Variants in RNF43 observed in about 807,000 individuals in gnomAD.
The protein encoded by RNF43 is E3 ubiquitin-protein ligase RNF43.
RNF43 carries 37 observed loss-of-function variants against 78.4 expected under a neutral mutation model. That is an observed-to-expected ratio of 0.47 (90% CI 0.36 to 0.62). The LOEUF (loss-of-function observed/expected upper bound fraction) is 0.62, where lower values mean the gene tolerates loss of function less well. Among genes scored for constraint, RNF43 ranks in the 20% least tolerant of loss-of-function variants. The pLI is 0.00. For synonymous variants in RNF43, 347 were observed against 395.0 expected, an observed-to-expected ratio of 0.88 and a Z score of 1.44; for missense variants, 774 against 1,007.9, an observed-to-expected ratio of 0.77 and a Z score of 3.14.
chr17:58,382,718 C>T lies in RNF43; in HGVS notation c.253-11685G>A, dbSNP rs538125129. ...CCTTCTGCCCCAAAGGAACGAGTCC[C>T]GGTCTCAGGAGAGTAACACCTGCCT... is the stretch of plus-strand genomic sequence containing the variant. On this transcript the variant is annotated intron_variant, in intron 2 of 9. Transcript: ENST00000407977. Among the ~76,000 whole-genome samples the T allele has an allele frequency of 1.2e-4, 19 of 152,328 alleles. No homozygotes were observed. In the South Asian group the frequency reaches 3.5e-3, roughly 28 times the overall value.
At chr17:58,383,769 C>A (rs1322957908) in intron 2 of RNF43, among the ~76,000 whole-genome samples, 2 of 152,188 alleles carry the variant, frequency 1.3e-5, no homozygotes, top group African/African-American at 4.8e-5. Flanking sequence ...AGGCATGTGC[C>A]ACCATGCCTG....
intron 2 of RNF43, among the ~76,000 whole-genome samples, chr17:58,388,973 T>G (rs1973491069): frequency 6.6e-6 from 1 of 152,198 alleles, no homozygotes; most frequent in African/African-American, 2.4e-5. Flanking sequence ...TTACAAAGGC[T>G]ACTGCATGCC....
intron 2 of RNF43, among the ~76,000 whole-genome samples, chr17:58,390,248 T>G (rs749826730): frequency 2.0e-5 from 3 of 152,148 alleles, no homozygotes; most frequent in Non-Finnish European, 4.4e-5. Context: ...ACAGAAGGCA[T>G]GAGATCAGAG....
Position 58,360,262 on chromosome 17 carries a change from A to C in RNF43, c.850-11T>G. ...AATGACCCGTAGCTCCTGGAGAAAAAGAGGGGGTCCAAACCAAAGGCTTCT... is the reference window on the plus strand; with the variant it reads ...AATGACCCGTAGCTCCTGGAGAAAACGAGGGGGTCCAAACCAAAGGCTTCT... On this transcript the variant is annotated splice_polypyrimidine_tract_variant and intron_variant, in intron 7 of 9. Transcript: ENST00000407977. The surrounding 1 kb of genome is among the most constrained non-coding windows in gnomAD (Gnocchi z 4.3). The C allele has an allele frequency of 6.2e-7, 1 of 1,608,088 alleles. No individual in the cohort carries two copies. Among genetic ancestry groups the C allele is most frequent in the Non-Finnish European group, 8.5e-7 (1 of 1,174,494 alleles).
intron 2 of RNF43, among the ~76,000 whole-genome samples, chr17:58,410,429 A>G (rs1388947428): frequency 6.6e-6 from 1 of 152,224 alleles, no homozygotes; most frequent in Non-Finnish European, 1.5e-5. Context: ...TCCTGACTAC[A>G]TTCCAAAGTC....
intron 2 of RNF43, among the ~76,000 whole-genome samples, chr17:58,408,661 G>T (rs760403647): frequency 2.6e-5 from 4 of 152,138 alleles, no homozygotes; most frequent in Admixed American, 2.0e-4. Flanking sequence ...TGGTAAGTCA[G>T]AAGAGTAAAG....
chr17:58,373,735 A>G (rs1973148108), intron 2 of RNF43, among the ~76,000 whole-genome samples: 4 of 152,298 alleles, frequency 2.6e-5, no homozygotes, highest in South Asian at 2.1e-4. Context: ...TAGTCACCCC[A>G]TTGTACTATC....
Position 58,415,492 on chromosome 17 carries a change from C to G in RNF43, c.86G>C (p.Gly29Ala), listed in dbSNP as rs756880429. 17 of 1,613,420 alleles carry G rather than the reference C, an allele frequency of 1.1e-5. No homozygotes were observed. The highest frequency in any genetic ancestry group is 1.4e-5 in the Non-Finnish European group (17 of 1,180,040). ...CTCCACCGCTGCTGCCAGTACCAGT[C>G]CTGTGCGTCCAAAGCCTGCCTGCAG... ...ATLQAGFGRT[G>A]LVLAAAVESE... Residue 29 changes from glycine to alanine, a missense_variant, in exon 2 of 10, where the codon GGA (glycine) becomes GCA (alanine). Transcript: ENST00000407977.
Position 58,358,484 on chromosome 17 carries a change from C to T in RNF43, c.1292G>A (p.Cys431Tyr), listed in dbSNP as rs746548389. The T allele has an allele frequency of 1.2e-6, 2 of 1,613,948 alleles. No individual in the cohort carries two copies. The highest frequency in any genetic ancestry group is 8.5e-7 in the Non-Finnish European group (1 of 1,179,964). ...LQSTSQHPAACPVPLRRARPP... is the reference protein window; with the variant it reads ...LQSTSQHPAAYPVPLRRARPP... Reference sequence around the variant, plus strand: ...CCTGGCCCGGCGTAGGGGCACTGGGCAAGCAGCAGGGTGCTGTGAGGTGGA... The same window carrying T: ...CCTGGCCCGGCGTAGGGGCACTGGGTAAGCAGCAGGGTGCTGTGAGGTGGA... The change falls in exon 9 of 10, where the codon TGC becomes TAC. Residue 431 changes from cysteine to tyrosine, a missense_variant. By Grantham distance (194) the Cys-to-Tyr change is radical. Coordinates refer to ENST00000407977, the MANE Select transcript of RNF43 (RefSeq NM_017763.6). This position sits in a 1 kb window ranked among gnomAD's most constrained non-coding sequence, Gnocchi z 6.2.
chr17:58,386,405 C>T (rs539170839), intron 2 of RNF43, among the ~76,000 whole-genome samples: 4 of 152,112 alleles, frequency 2.6e-5, no homozygotes, highest in Non-Finnish European at 5.9e-5. Flanking sequence ...CCAGCCTGGG[C>T]AACAGAGAGA....
chr17:58,369,366 G>A (rs892503429), intron 3 of RNF43, among the ~76,000 whole-genome samples: 17 of 152,166 alleles, frequency 1.1e-4, no homozygotes, highest in Non-Finnish European at 2.1e-4. Context: ...GCCAGGCCAG[G>A]TGAATATCTT....
chr17:58,368,949 C>T (rs187415572), intron 3 of RNF43, among the ~76,000 whole-genome samples: 74 of 152,106 alleles, frequency 4.9e-4, no homozygotes, highest in African/African-American at 1.8e-3. Flanking sequence ...AGGTAGCAGG[C>T]CAGGGTGCAA....
intron 2 of RNF43, among the ~76,000 whole-genome samples, chr17:58,382,007 G>A (rs1973331182): frequency 6.6e-6 from 1 of 152,018 alleles, no homozygotes; most frequent in Admixed American, 6.5e-5. Context: ...GACTCCCCAT[G>A]CCAGTTCAAA....
rs199880674 is a variant in RNF43 at position 58,405,700 on chromosome 17, C to CAGAAAGAAAGAAAGAA, written c.252+9610_252+9625dup. Among the ~76,000 whole-genome samples, 508 of 110,252 alleles carry CAGAAAGAAAGAAAGAA rather than the reference C, an allele frequency of 4.6e-3. 1 individual carries two copies. The highest frequency in any genetic ancestry group is 0.012 in the Middle Eastern group (3 of 254). 72.3% of individuals were successfully genotyped at this position (110,252 alleles called of 152,430 possible). On this transcript the variant is annotated intron_variant, in intron 2 of 9. Coordinates refer to ENST00000407977, the MANE Select transcript of RNF43 (RefSeq NM_017763.6). ...GAGAGAGAGACCCTGTCTCTAATGA[C>CAGAAAGAAAGAAAGAA]AGAAAGAAAGAAAGAAAGAAAGAAA...
At chr17:58,416,297 A>AT (rs1045552806) in intron 1 of RNF43, 10 of 152,200 alleles carry the variant, frequency 6.6e-5, no homozygotes, top group African/African-American at 2.4e-4. Context: ...ACATACCATA[A>AT]TTTTTTGTGT....
At chr17:58,386,011 G>A (rs945651840) in intron 2 of RNF43, among the ~76,000 whole-genome samples, 2 of 152,334 alleles carry the variant, frequency 1.3e-5, no homozygotes, top group South Asian at 4.1e-4. Context: ...TCAGGAGGTT[G>A]AGGCTGCAGG....
At chr17:58,355,738 G>A (rs1484370639) in intron 9 of RNF43, among the ~76,000 whole-genome samples, 3 of 152,190 alleles carry the variant, frequency 2.0e-5, no homozygotes, top group African/African-American at 2.4e-5. Flanking sequence ...GGCAGATGAC[G>A]CTGGCAGCAA....
chr17:58,386,433 A>G (rs575225111), intron 2 of RNF43, among the ~76,000 whole-genome samples: 9 of 152,336 alleles, frequency 5.9e-5, no homozygotes, highest in Admixed American at 5.2e-4. Flanking sequence ...TAAAAAAACA[A>G]AACAAAACAA....
intron 2 of RNF43, among the ~76,000 whole-genome samples, chr17:58,398,958 A>G (rs1423793686): frequency 6.6e-6 from 1 of 152,234 alleles, no homozygotes; most frequent in African/African-American, 2.4e-5. Context: ...GAGAAGAAGG[A>G]GGCTTCCCAA....
Sources: gnomAD v4.1 joint callset for allele counts (sites outside exome capture counted in the v4.1 genomes callset) on GRCh38, gnomAD v4.1.1 for gene constraint, Gnocchi (gnomAD v3.1) non-coding constraint, MANE v1.5 for transcripts, NCBI Gene and HGNC (gene_info 2026-07-23, HGNC 2026-07-21) for gene names.